ZNF705G: variants seen among roughly 807,000 people sequenced by gnomAD.
ZNF705G encodes zinc finger protein 705G.
A neutral mutation model predicts 19.6 loss-of-function variants in ZNF705G; 23 were observed. That is an observed-to-expected ratio of 1.17 (90% CI 0.84 to 1.66). The LOEUF (loss-of-function observed/expected upper bound fraction) is 1.66, where lower values mean the gene tolerates loss of function less well. Among genes scored for constraint, ZNF705G ranks in the 40% most tolerant of loss-of-function variants. ZNF705G has a pLI of 0.00. For missense variants in ZNF705G, 457 were observed against 354.4 expected, an observed-to-expected ratio of 1.29 and a Z score of -2.32; for synonymous variants, 146 against 117.7, an observed-to-expected ratio of 1.24 and a Z score of -1.56.
At chr8:7,368,477 G>C (rs1238706107) in intron 2 of ZNF705G, among the ~76,000 whole-genome samples, 2 of 149,416 alleles carry the variant, frequency 1.3e-5, no homozygotes, top group African/African-American at 2.6e-5. Flanking sequence ...GATATAAAAA[G>C]TTTCAATGTT....
chr8:7,380,536 G>A, intron 2 of ZNF705G, among the ~76,000 whole-genome samples: 1 of 147,412 alleles, frequency 6.8e-6, no homozygotes, highest in Non-Finnish European at 1.5e-5. Context: ...GCTGTCACCA[G>A]TGCCCACATA....
chr8:7,361,321 G>T (rs1806584591), intron 3 of ZNF705G, 85 bp from the exon 4 acceptor site: 1 of 1,589,326 alleles, frequency 6.3e-7, no homozygotes, highest in Non-Finnish European at 8.5e-7. Context: ...ATAGCTAGCA[G>T]CTGGGTATGC....
At chr8:7,385,344 GATA>G (rs1024743274) in intron 1 of ZNF705G, among the ~76,000 whole-genome samples, 151 bp downstream of exon 1, 48 of 147,994 alleles carry the variant, frequency 3.2e-4, no homozygotes, top group Middle Eastern at 3.5e-3. Context: ...TAATACTACT[GATA>G]ATAATAATAA....
chr8:7,358,061 C>T lies in ZNF705G; in HGVS notation c.818G>A (p.Gly273Glu), dbSNP rs775171629. The T allele has an allele frequency of 6.2e-6, 10 of 1,608,352 alleles. No individual in the cohort carries two copies. Among genetic ancestry groups the T allele is most frequent in the East Asian group, 2.2e-5 (1 of 44,868 alleles). Residue 273 changes from glycine to glutamate, a missense_variant, in exon 7 of 7, where the codon GGA (glycine) becomes GAA (glutamate). Gly to Glu is a moderately conservative substitution (Grantham distance 98, BLOSUM62 -2). Transcript: ENST00000400156. Reference sequence around the variant, plus strand: ...CTCTCCAGTGTGAATTATTTTGTTTCCTCTAAAGCCAGAGCTTTGACTAAA... The same window carrying T: ...CTCTCCAGTGTGAATTATTTTGTTTTCTCTAAAGCCAGAGCTTTGACTAAA... ...KAFSQSSGFR[G>E]NKIIHTGEKP...
intron 2 of ZNF705G, among the ~76,000 whole-genome samples, chr8:7,370,297 G>T (rs1234412571): frequency 6.8e-6 from 1 of 146,474 alleles, no homozygotes; most frequent in Non-Finnish European, 1.5e-5. Context: ...GCAAAGATCT[G>T]AGTAGACATT....
In ZNF705G at chr8:7,360,465, G is replaced by C. The variant is rs1300169263; in HGVS notation, c.140-133C>G. On this transcript the variant is annotated intron_variant, in intron 4 of 6. Coordinates refer to ENST00000400156, the MANE Select transcript of ZNF705G (RefSeq NM_001164457.3). ...CTCAGGCCACAAGACCTAGAACACA[G>C]AAAACTCCCCAGGATTTTTCTGACC... The C allele has an allele frequency of 5.7e-6, 8 of 1,392,418 alleles. No individual in the cohort carries two copies. The East Asian group carries it at 1.6e-4, about 29-fold the overall frequency. The allele number at this position is 1,392,418 out of a possible 1,614,324, so 86.3% of individuals were successfully genotyped here.
intron 2 of ZNF705G, among the ~76,000 whole-genome samples, chr8:7,364,476 T>A (rs1428101459): frequency 6.7e-6 from 1 of 149,664 alleles, no homozygotes; most frequent in Non-Finnish European, 1.5e-5. Flanking sequence ...TATTTACCAA[T>A]TTAATAAATG....
At position 7,358,128 on chromosome 8, in the gene ZNF705G, G is replaced by A. The variant is rs1282324946; in HGVS notation, c.751C>T (p.Leu251Phe). 1 of 1,607,456 alleles carries A rather than the reference G, an allele frequency of 6.2e-7. No homozygotes were observed. The change falls in exon 7 of 7, where the codon CTT (leucine) becomes TTT (phenylalanine). Residue 251 changes from leucine to phenylalanine, a missense_variant. By Grantham distance (22) the Leu-to-Phe change is conservative. Transcript: ENST00000400156. ...FNLQRHERTH[L>F]GKKCYECDKS... ...TCACATTCATAACACTTTTTTCCAA[G>A]GTGAGTTCTCTCATGTCTTTGAAGG...
chr8:7,358,568 G>A lies in ZNF705G; in HGVS notation c.319-8C>T, dbSNP rs774209148. The A allele has an allele frequency of 5.3e-3, 8,493 of 1,589,558 alleles. 145 individuals are homozygous for A. The highest frequency in any genetic ancestry group is 5.6e-3 in the Non-Finnish European group (6,479 of 1,163,912). On this transcript the variant is annotated splice_polypyrimidine_tract_variant and splice_region_variant and intron_variant, in intron 6 of 6. Coordinates refer to ENST00000400156, the MANE Select transcript of ZNF705G (RefSeq NM_001164457.3). ...CAGAATGAGAGAGTTCTCCTTTGGG[G>A]CAAATATTAAAAGCTCTTAATGGTT...
chr8:7,384,259 A>T (rs937880973), intron 1 of ZNF705G, among the ~76,000 whole-genome samples: 1 of 143,064 alleles, frequency 7.0e-6, no homozygotes, highest in African/African-American at 3.0e-5. Context: ...TTATTTGGTG[A>T]TGGCTATAGT....
intron 6 of ZNF705G, among the ~76,000 whole-genome samples, 197 bp downstream of exon 6, chr8:7,359,422 A>G (rs1398307845): frequency 6.7e-6 from 1 of 149,688 alleles, no homozygotes; most frequent in East Asian, 1.9e-4. Context: ...CACTTGTTCT[A>G]TTTTAGAGAT....
chr8:7,361,124 T>C lies in ZNF705G; in HGVS notation c.125A>G (p.His42Arg), dbSNP rs775810983. The C allele has an allele frequency of 6.3e-7, 1 of 1,592,722 alleles. No homozygotes were observed. Among genetic ancestry groups the C allele is most frequent in the South Asian group, 1.1e-5 (1 of 90,696 alleles). The change falls in exon 4 of 7, where the codon CAC becomes CGC. Residue 42 changes from histidine (H) to arginine (R), a missense_variant. Physicochemically the swap from His to Arg is conservative, Grantham distance 29. Transcript: ENST00000400156. The stretch of plus-strand genomic sequence containing the variant: ...CAGGGACTCACCGAGGGACACCAGG[T>C]GACTGATATTTTCCAGCATCACATC... ...YRDVMLENIS[H>R]LVSLGYQISK... is the part of the protein sequence containing the mutation.
rs562510644 is a variant in ZNF705G at position 7,367,261 on chromosome 8, C to T, written c.-71-4244G>A. On this transcript the variant is annotated intron_variant, in intron 2 of 6. Coordinates refer to ENST00000400156, the MANE Select transcript of ZNF705G (RefSeq NM_001164457.3). ...GGGCAGGAGAGGGCTCTTCCCCTAC[C>T]CACTAGAAATGTCAGGTGATGGCCT... Among the ~76,000 whole-genome samples the T allele has an allele frequency of 6.0e-5, 9 of 149,344 alleles. 1 individual carries two copies. The East Asian group carries it at 1.7e-3, about 29-fold the overall frequency.
chr8:7,364,582 C>T (rs1465916739), intron 2 of ZNF705G, among the ~76,000 whole-genome samples: 4 of 149,542 alleles, frequency 2.7e-5, no homozygotes, highest in African/African-American at 1.0e-4. Flanking sequence ...CCTCTTCTTG[C>T]TTTTTGACAA....
In ZNF705G at chr8:7,374,995, A is replaced by G. The variant is rs1294494486; in HGVS notation, c.-72+6457T>C. Among the ~76,000 whole-genome samples the G allele has an allele frequency of 2.1e-5, 2 of 94,578 alleles. 1 individual carries two copies. Among genetic ancestry groups the G allele is most frequent in the Non-Finnish European group, 4.2e-5 (2 of 48,022 alleles). The allele number at this position is 94,578 out of a possible 152,430, so 62.0% of individuals were successfully genotyped here. On this transcript the variant is annotated intron_variant, in intron 2 of 6. Coordinates refer to ENST00000400156, the MANE Select transcript of ZNF705G (RefSeq NM_001164457.3). ...TTACAAATGAACAATGGTACATCAT[A>G]ATTTTAAAAAGTCTTTTGTAATTTC...
At chr8:7,384,516 G>C (rs1320786496) in intron 1 of ZNF705G, among the ~76,000 whole-genome samples, 1 of 146,028 alleles carries the variant, frequency 6.8e-6, no homozygotes, top group East Asian at 1.9e-4. Flanking sequence ...TAACCTGTAA[G>C]AGGAACTTTT....
At chr8:7,384,460 A>G (rs1807643953) in intron 1 of ZNF705G, among the ~76,000 whole-genome samples, 1 of 145,832 alleles carries the variant, frequency 6.9e-6, no homozygotes, top group African/African-American at 2.8e-5. Flanking sequence ...AACAAACATG[A>G]AAAAAAGCTC....
Position 7,380,685 on chromosome 8 carries a change from G to T in ZNF705G, c.-72+767C>A, listed in dbSNP as rs571787895. ...TGCTGATGCTACACATGCCTCCCAG[G>T]GTCTTGAGGGCATGCCTATCTACCG... is the stretch of plus-strand genomic sequence containing the variant. On this transcript the variant is annotated intron_variant, in intron 2 of 6. Transcript: ENST00000400156. Among the ~76,000 whole-genome samples, 19 of 146,188 alleles carry T rather than the reference G, an allele frequency of 1.3e-4. 1 individual carries two copies. The highest frequency in any genetic ancestry group is 3.9e-4 in the East Asian group (2 of 5,138).
chr8:7,370,079 C>G (rs1412815231), intron 2 of ZNF705G, among the ~76,000 whole-genome samples: 1 of 147,608 alleles, frequency 6.8e-6, no homozygotes. Context: ...CTGGCTAACA[C>G]CGTGAAACCC....
Sources: allele counts gnomAD v4.1 joint callset (sites outside exome capture counted in the v4.1 genomes callset), GRCh38; gene constraint gnomAD v4.1.1; transcripts MANE v1.5; gene names NCBI Gene and HGNC (gene_info 2026-07-23, HGNC 2026-07-21).